The following CYP51A1 variants were observed in gnomAD, a reference collection of about 807,000 sequenced individuals.
CYP51A1 encodes lanosterol 14-alpha demethylase.
Under a neutral mutation model 53.5 loss-of-function variants are expected in CYP51A1, and 45 were observed. The observed-to-expected ratio is 0.84, with a 90% CI of 0.66 to 1.08. The LOEUF is 1.08. CYP51A1 is among the 50% of genes least tolerant of loss of function. The pLI is 0.00. For synonymous variants in CYP51A1, 181 were observed against 217.7 expected, an observed-to-expected ratio of 0.83 and a Z score of 1.48; for missense variants, 462 against 621.7, an observed-to-expected ratio of 0.74 and a Z score of 2.73.
In CYP51A1 at chr7:92,127,906, A is replaced by G. The variant is rs931810487; in HGVS notation, c.469-275T>C. 2.0e-5 allele frequency among the ~76,000 whole-genome samples: 3 copies of G among 152,324 alleles called. No individual in the cohort carries two copies. The East Asian group carries it at 5.8e-4, about 29-fold the overall frequency. On this transcript the variant is annotated intron_variant, in intron 3 of 9. Coordinates refer to ENST00000003100, the MANE Select transcript of CYP51A1 (RefSeq NM_000786.4). Reference sequence around the variant, plus strand: ...ATTCCCTCATTCCCCATCACTAGAAACAAGATTTAATGTTAACTCTTAACT... The same window carrying G: ...ATTCCCTCATTCCCCATCACTAGAAGCAAGATTTAATGTTAACTCTTAACT...
chr7:92,118,082 A>G, intron 8 of CYP51A1, among the ~76,000 whole-genome samples: 1 of 151,844 alleles, frequency 6.6e-6, no homozygotes, highest in East Asian at 1.9e-4. Flanking sequence ...GGTAGAAGTG[A>G]TTATTCTACT....
chr7:92,129,075 A>C lies in CYP51A1; in HGVS notation c.292-19T>G. ...GTCCATACTAAAAAGAGAAAAGTAC[A>C]TATAGTGATGTTACAAAAAATATGC... On this transcript the variant is annotated intron_variant, in intron 2 of 9. Transcript: ENST00000003100. 2.6e-6 allele frequency: 4 copies of C among 1,551,510 alleles called. No individual in the cohort carries two copies. The highest frequency in any genetic ancestry group is 8.8e-7 in the Non-Finnish European group (1 of 1,142,266).
At chr7:92,133,286 AT>A (rs1356296511) in intron 1 of CYP51A1, among the ~76,000 whole-genome samples, 1 of 148,726 alleles carries the variant, frequency 6.7e-6, no homozygotes, top group Non-Finnish European at 1.5e-5. Context: ...ACGGAGTCTC[AT>A]TCTGTCGCCC....
chr7:92,132,047 A>C, intron 1 of CYP51A1, 175 bp from the exon 2 acceptor site: 1 of 567,460 alleles, frequency 1.8e-6, no homozygotes, highest in Non-Finnish European at 3.2e-6. Context: ...CAAATACCTC[A>C]AGAGAGTAGC....
rs139310937 is a variant in CYP51A1, at chr7:92,113,704, A to G, written c.1491T>C (p.Pro497=). The stretch of plus-strand genomic sequence containing the variant: ...GTTTGTAACGGATAACTGGGTTTTC[A>G]GGGGTGTGAATCATAGTTGTATAAT... The part of the protein sequence containing the change: ...TVNYTTMIHT[P]ENPVIRYKRR... The change falls in exon 10 of 10, where the codon CCT becomes CCC. Residue 497 remains proline, a synonymous_variant. Coordinates refer to ENST00000003100, the MANE Select transcript of CYP51A1 (RefSeq NM_000786.4). The G allele has an allele frequency of 1.9e-4, 302 of 1,611,840 alleles. 1 individual carries two copies. In the African/African-American group the frequency reaches 3.8e-3, roughly 20 times the overall value.
intron 1 of CYP51A1, 34 bp from the exon 2 acceptor site, chr7:92,131,906 G>A: frequency 7.7e-7 from 1 of 1,295,736 alleles, no homozygotes; most frequent in Non-Finnish European, 1.1e-6. Context: ...TTCAATTCGT[G>A]TTTCATTTCA....
At chr7:92,125,364 G>T (rs2130951150) in intron 5 of CYP51A1, among the ~76,000 whole-genome samples, 1 of 152,074 alleles carries the variant, frequency 6.6e-6, no homozygotes, top group Non-Finnish European at 1.5e-5. Flanking sequence ...GATAGAGGGG[G>T]CAGAAATAGA....
At chr7:92,126,717 C>G (rs765476092) in intron 4 of CYP51A1, among the ~76,000 whole-genome samples, 5 of 151,994 alleles carry the variant, frequency 3.3e-5, no homozygotes, top group Non-Finnish European at 7.4e-5. Flanking sequence ...TTCCAGGTCA[C>G]AATAACAAAA....
At chr7:92,119,438 C>G (rs1430327337) in intron 7 of CYP51A1, among the ~76,000 whole-genome samples, 4 of 152,178 alleles carry the variant, frequency 2.6e-5, no homozygotes, top group Non-Finnish European at 5.9e-5. Flanking sequence ...CACACACATA[C>G]AGAGCCTTTC....
intron 7 of CYP51A1, among the ~76,000 whole-genome samples, chr7:92,120,680 T>A (rs573927077): frequency 2.2e-4 from 33 of 152,300 alleles, no homozygotes; most frequent in African/African-American, 7.7e-4. Context: ...TGCAAAAGAA[T>A]GATGACCTCA....
At chr7:92,127,881 A>G (rs941796887) in intron 3 of CYP51A1, among the ~76,000 whole-genome samples, 1 of 152,196 alleles carries the variant, frequency 6.6e-6, no homozygotes, top group Non-Finnish European at 1.5e-5. Context: ...AGAGGCATTC[A>G]TTCCCTCATT....
At chr7:92,133,901 G>A (rs925817067) in intron 1 of CYP51A1, among the ~76,000 whole-genome samples, 3 of 152,190 alleles carry the variant, frequency 2.0e-5, no homozygotes, top group African/African-American at 7.2e-5. Flanking sequence ...CCCCGTCTAG[G>A]ATCAGATACA....
chr7:92,130,609 G>A (rs571541928), intron 2 of CYP51A1, among the ~76,000 whole-genome samples: 53 of 152,308 alleles, frequency 3.5e-4, no homozygotes, highest in Admixed American at 1.4e-3. Flanking sequence ...TAAAGTAAGT[G>A]TTTGATAATT....
chr7:92,117,305 G>A, intron 8 of CYP51A1, 93 bp from the exon 9 acceptor site: 3 of 1,030,938 alleles, frequency 2.9e-6, no homozygotes, highest in African/African-American at 1.6e-5. Context: ...ATATACATGG[G>A]ATACTCAGAT....
Position 92,118,557 on chromosome 7 carries a change from G to A in CYP51A1, c.1145C>T (p.Pro382Leu). 1 of 1,600,286 alleles carries A rather than the reference G, an allele frequency of 6.2e-7. No homozygotes were observed. The highest frequency in any genetic ancestry group is 8.6e-7 in the Non-Finnish European group (1 of 1,168,338). The change falls in exon 8 of 10, where the codon CCT (proline) becomes CTT (leucine). Residue 382 changes from proline (P) to leucine (L), a missense_variant. Coordinates refer to ENST00000003100, the MANE Select transcript of CYP51A1 (RefSeq NM_000786.4). ...GGCCATTCTCATCATGATCATTATA[G>A]GAGGTCTAAGTCTTAATGTTTCTTT... ...CIKETLRLRP[P>L]IMIMMRMART...
rs192665858 is a variant in CYP51A1 at position 92,133,307 on chromosome 7, T to C, written c.192+866A>G. Among the ~76,000 whole-genome samples the C allele has an allele frequency of 3.1e-4, 47 of 150,660 alleles. 1 individual carries two copies. Among genetic ancestry groups the C allele is most frequent in the South Asian group, 1.7e-3 (8 of 4,768 alleles). ...TCTCATTCTGTCGCCCAGACTGGAG[T>C]CCAGTGGCGCAATCTCGGTTTACTG... On this transcript the variant is annotated intron_variant, in intron 1 of 9. Coordinates refer to ENST00000003100, the MANE Select transcript of CYP51A1 (RefSeq NM_000786.4).
chr7:92,134,528 G>A, upstream of CYP51A1: 1 of 675,224 alleles, frequency 1.5e-6, no homozygotes, highest in South Asian at 2.0e-5. Context: ...GTGCGTCACA[G>A]AATGGGGCGG....
At chr7:92,121,375 CT>C (rs1819690804) in intron 7 of CYP51A1, among the ~76,000 whole-genome samples, 1 of 151,972 alleles carries the variant, frequency 6.6e-6, no homozygotes, top group East Asian at 1.9e-4. Context: ...CCAACATATA[CT>C]GTTTAGTGAG....
chr7:92,114,592 T>C (rs1395955847), intron 9 of CYP51A1, among the ~76,000 whole-genome samples: 1 of 152,126 alleles, frequency 6.6e-6, no homozygotes, highest in Non-Finnish European at 1.5e-5. Flanking sequence ...AATAACTAGA[T>C]ATTACATGGG....
Sources: gnomAD v4.1 joint callset for allele counts (sites outside exome capture counted in the v4.1 genomes callset) on GRCh38, gnomAD v4.1.1 for gene constraint, MANE v1.5 for transcripts, NCBI Gene and HGNC (gene_info 2026-07-23, HGNC 2026-07-21) for gene names.